The following CNGA3 variants were observed in gnomAD, a reference collection of about 807,000 sequenced individuals.
CNGA3 encodes the protein cyclic nucleotide-gated channel alpha-3.
Under a neutral mutation model 46.6 loss-of-function variants are expected in CNGA3, and 42 were observed. The ratio of observed to expected loss-of-function variants is 0.90; its 90% CI spans 0.70 to 1.17. The LOEUF (loss-of-function observed/expected upper bound fraction) is 1.17. CNGA3 is among the 50% of genes most tolerant of loss of function. The pLI is 0.00. For synonymous variants in CNGA3, 394 were observed against 369.4 expected (o/e 1.07, Z -0.76); for missense variants, 893 against 890.7 (o/e 1.00, Z -0.03).
chr2:98,366,777 G>C (rs916255598), intron 1 of CNGA3, among the ~76,000 whole-genome samples: 1 of 152,172 alleles, frequency 6.6e-6, no homozygotes, highest in East Asian at 1.9e-4. Flanking sequence ...CAGTGATGGC[G>C]GCCACCCCTT....
At chr2:98,371,284 C>A (rs1278180103) in intron 2 of CNGA3, among the ~76,000 whole-genome samples, 2 of 152,166 alleles carry the variant, frequency 1.3e-5, no homozygotes, top group African/African-American at 4.8e-5. Context: ...GCAGTAACAT[C>A]CCTCAGTCCC....
intron 1 of CNGA3, 61 bp from the exon 2 acceptor site, chr2:98,369,878 A>T: frequency 9.1e-7 from 1 of 1,095,988 alleles, no homozygotes; most frequent in Non-Finnish European, 1.4e-6. Context: ...GCCCTTGATG[A>T]GCTGGGTTTG....
intron 1 of CNGA3, among the ~76,000 whole-genome samples, chr2:98,356,202 A>G (rs75569482): frequency 0.029 from 4,461 of 152,240 alleles, 94 homozygotes; most frequent in Middle Eastern, 0.061. Context: ...GGAGTTCTTG[A>G]CTTATCTTTG....
chr2:98,361,137 A>G (rs34760025), intron 1 of CNGA3, among the ~76,000 whole-genome samples: 36,306 of 151,938 alleles, frequency 0.24, 5,013 homozygotes, highest in Non-Finnish European at 0.33. Flanking sequence ...TCTAGGTATT[A>G]AGGCCAGCAT....
At chr2:98,362,651 A>T (rs973969688) in intron 1 of CNGA3, among the ~76,000 whole-genome samples, 1 of 152,208 alleles carries the variant, frequency 6.6e-6, no homozygotes, top group African/African-American at 2.4e-5. Context: ...AGCACACCTG[A>T]AATTAATTAG....
At chr2:98,352,350 T>C (rs898128197) in intron 1 of CNGA3, among the ~76,000 whole-genome samples, 1 of 152,230 alleles carries the variant, frequency 6.6e-6, no homozygotes, top group African/African-American at 2.4e-5. Flanking sequence ...TGAACATTCA[T>C]GTACAAGTTG....
At chr2:98,380,378 G>C in intron 4 of CNGA3, 24 bp downstream of exon 4, 1 of 1,607,280 alleles carries the variant, frequency 6.2e-7, no homozygotes, top group Non-Finnish European at 8.5e-7. Flanking sequence ...AAGAAGAAGG[G>C]GCCTCTGGTG....
chr2:98,377,722 T>C lies in CNGA3; in HGVS notation c.137T>C (p.Leu46Pro), dbSNP rs368755294. The change falls in exon 3 of 8, where the codon CTG becomes CCG. Residue 46 changes from leucine to proline, a missense_variant. Coordinates refer to ENST00000272602, the MANE Select transcript of CNGA3 (RefSeq NM_001298.3). ...HSSSEETSSV[L>P]QPGIAMETRG... The stretch of plus-strand genomic sequence containing the variant: ...TCAAGTGAGGAGACATCGTCAGTGC[T>C]GCAGCCGGGGATCGCCATGGAGACC... 1.2e-6 allele frequency: 2 copies of C among 1,613,350 alleles called. No homozygotes were observed. Among genetic ancestry groups the C allele is most frequent in the Non-Finnish European group, 1.7e-6 (2 of 1,180,018 alleles).
intron 5 of CNGA3, among the ~76,000 whole-genome samples, chr2:98,385,744 A>G (rs1692639920): frequency 6.6e-6 from 1 of 152,210 alleles, no homozygotes; most frequent in African/African-American, 2.4e-5. Flanking sequence ...GGCTTGAGGT[A>G]CTGCAAGCTA....
At chr2:98,352,550 A>G (rs988845686) in intron 1 of CNGA3, among the ~76,000 whole-genome samples, 1 of 152,122 alleles carries the variant, frequency 6.6e-6, no homozygotes, top group Non-Finnish European at 1.5e-5. Flanking sequence ...AAAATGGTTA[A>G]TTGTATGTAT....
At chr2:98,363,055 T>C (rs980775363) in intron 1 of CNGA3, among the ~76,000 whole-genome samples, 1 of 152,160 alleles carries the variant, frequency 6.6e-6, no homozygotes, top group Non-Finnish European at 1.5e-5. Flanking sequence ...GTTACTATAG[T>C]CTTATAGCAT....
Position 98,389,691 on chromosome 2 carries a change from G to A in CNGA3, c.483G>A (p.Val161=), listed in dbSNP as rs772486972. The A allele has an allele frequency of 2.5e-6, 4 of 1,613,848 alleles. No homozygotes were observed. The South Asian group carries it at 3.3e-5, about 13-fold the overall frequency. ...CGAAAAAGAAGGATGCGATCGTGGT[G>A]GACCCGTCCAGCAACCTGTACTACC... is the stretch of plus-strand genomic sequence containing the variant. The part of the protein sequence containing the change: ...KKTKKKDAIV[V]DPSSNLYYRW... Residue 161 remains valine (V), a synonymous_variant, in exon 6 of 8, where the codon GTG becomes GTA. Coordinates refer to ENST00000272602, the MANE Select transcript of CNGA3 (RefSeq NM_001298.3).
At chr2:98,380,561 G>A (rs1431230093) in intron 4 of CNGA3, among the ~76,000 whole-genome samples, 1 of 152,142 alleles carries the variant, frequency 6.6e-6, no homozygotes, top group South Asian at 2.1e-4. Flanking sequence ...GCAGGAGGGA[G>A]AAAACCCTTG....
In CNGA3 at chr2:98,396,553, A is replaced by G; in HGVS notation, c.1383A>G (p.Pro461=). Reference sequence around the variant, plus strand: ...AGAAGGAGGTGCTCAAGAGCCTCCCAGACAAGCTGAAGGCTGAGATCGCCA... The same window carrying G: ...AGAAGGAGGTGCTCAAGAGCCTCCCGGACAAGCTGAAGGCTGAGATCGCCA... ...VDEKEVLKSL[P]DKLKAEIAIN... Residue 461 remains proline, a synonymous_variant, in exon 8 of 8, where the codon CCA becomes CCG. Coordinates refer to ENST00000272602, the MANE Select transcript of CNGA3 (RefSeq NM_001298.3). 6.2e-7 allele frequency: 1 copy of G among 1,614,084 alleles called. No individual in the cohort carries two copies. Among genetic ancestry groups the G allele is most frequent in the Middle Eastern group, 1.6e-4 (1 of 6,062 alleles).
intron 3 of CNGA3, chr2:98,378,165 A>T (rs375842316): frequency 9.0e-6 from 14 of 1,550,532 alleles, no homozygotes. Flanking sequence ...GATGGTGGTG[A>T]TGAGTCTGAA....
intron 1 of CNGA3, among the ~76,000 whole-genome samples, chr2:98,358,940 T>C (rs1476322308): frequency 1.3e-5 from 2 of 152,144 alleles, no homozygotes; most frequent in African/African-American, 4.8e-5. Context: ...AGCCCAAATA[T>C]CTAAAAGTTA....
In CNGA3 at chr2:98,369,270, T is replaced by C. The variant is rs150613753; in HGVS notation, c.-37-669T>C. Among the ~76,000 whole-genome samples, 64 of 152,358 alleles carry C rather than the reference T, an allele frequency of 4.2e-4. No individual in the cohort carries two copies. The East Asian group carries it at 0.012, about 28-fold the overall frequency. On this transcript the variant is annotated intron_variant, in intron 1 of 7. Coordinates refer to ENST00000272602, the MANE Select transcript of CNGA3 (RefSeq NM_001298.3). ...ACTGACATAATTTTCTTAGTTACAA[T>C]TTTTCAAGACGATTTCACAAGGATT...
At chr2:98,370,115 G>A (rs921930410) in intron 2 of CNGA3, 39 bp downstream of exon 2, 1 of 1,497,878 alleles carries the variant, frequency 6.7e-7, no homozygotes, top group Non-Finnish European at 9.3e-7. Context: ...TTTATGCCTG[G>A]CTCTGGTCAT....
intron 1 of CNGA3, among the ~76,000 whole-genome samples, chr2:98,354,774 G>A (rs1448214874): frequency 6.6e-6 from 1 of 152,190 alleles, no homozygotes; most frequent in African/African-American, 2.4e-5. Context: ...GACACAGTGA[G>A]ACTCTGTCTC....
Sources: allele counts gnomAD v4.1 joint callset (sites outside exome capture counted in the v4.1 genomes callset), GRCh38; gene constraint gnomAD v4.1.1; transcripts MANE v1.5; gene names NCBI Gene and HGNC (gene_info 2026-07-23, HGNC 2026-07-21).